Variants in CDH13 observed in about 807,000 individuals in gnomAD.
CDH13 encodes the protein cadherin 13, also known as cadherin-13.
Under a neutral mutation model 63.8 loss-of-function variants are expected in CDH13, and 24 were observed. That is an observed-to-expected ratio of 0.38 (90% CI 0.27 to 0.53). The LOEUF is 0.53. CDH13 is among the 20% of genes least tolerant of loss of function. CDH13 has a pLI of 0.85. For synonymous variants in CDH13, 503 were observed against 355.3 expected (o/e 1.42, Z -4.67); for missense variants, 1,049 against 903.1 (o/e 1.16, Z -2.07).
At chr16:83,053,740 A>C (rs1056837255) in intron 3 of CDH13, among the ~76,000 whole-genome samples, 1 of 152,200 alleles carries the variant, frequency 6.6e-6, no homozygotes, top group African/African-American at 2.4e-5. Flanking sequence ...AGAACGCTAT[A>C]TCATATTTAT....
intron 3 of CDH13, among the ~76,000 whole-genome samples, chr16:83,109,520 C>A (rs1002781397): frequency 6.6e-6 from 1 of 152,000 alleles, no homozygotes; most frequent in Non-Finnish European, 1.5e-5. Flanking sequence ...TAATAAATAC[C>A]CACTGAATTG....
intron 10 of CDH13, among the ~76,000 whole-genome samples, chr16:83,724,330 G>A (rs1598590002): frequency 6.6e-6 from 1 of 151,474 alleles, no homozygotes; most frequent in Non-Finnish European, 1.5e-5. Context: ...ATGGATGAGT[G>A]TGGAATGCAT....
chr16:83,145,932 C>A (rs1179587803), intron 4 of CDH13, among the ~76,000 whole-genome samples: 1 of 151,992 alleles, frequency 6.6e-6, no homozygotes, highest in East Asian at 1.9e-4. Flanking sequence ...AAGGATGTTC[C>A]AGCCGGATGC....
At chr16:82,761,293 C>T (rs553118529) in intron 1 of CDH13, among the ~76,000 whole-genome samples, 115 of 152,144 alleles carry the variant, frequency 7.6e-4, no homozygotes, top group Non-Finnish European at 1.5e-3. Flanking sequence ...GCTGGGATTA[C>T]AGACGTGAGC....
intron 1 of CDH13, among the ~76,000 whole-genome samples, chr16:82,768,719 G>C (rs1184775660): frequency 6.6e-6 from 1 of 152,092 alleles, no homozygotes; most frequent in Non-Finnish European, 1.5e-5. Flanking sequence ...ATTTCCATTG[G>C]TTGAGGGATA....
intron 4 of CDH13, among the ~76,000 whole-genome samples, chr16:83,129,625 T>G (rs2035962773): frequency 6.6e-6 from 1 of 152,184 alleles, no homozygotes; most frequent in South Asian, 2.1e-4. Context: ...GGGGTATTTC[T>G]ACTCCCAGCA....
At chr16:83,787,457 T>C (rs1915960284) in intron 13 of CDH13, among the ~76,000 whole-genome samples, 1 of 152,230 alleles carries the variant, frequency 6.6e-6, no homozygotes, top group African/African-American at 2.4e-5. Flanking sequence ...TTACTCCTCC[T>C]GCTGGAGGAT....
At chr16:83,351,903 T>C (rs933226824) in intron 6 of CDH13, among the ~76,000 whole-genome samples, 1 of 152,236 alleles carries the variant, frequency 6.6e-6, no homozygotes, top group Non-Finnish European at 1.5e-5. Context: ...TTTTTGTTTG[T>C]TTCTCCAGAT....
intron 2 of CDH13, among the ~76,000 whole-genome samples, chr16:82,878,244 T>A (rs1356059457): frequency 6.6e-6 from 1 of 151,934 alleles, no homozygotes; most frequent in Admixed American, 6.6e-5. Context: ...TGCAGTTATC[T>A]CTACCCAAGG....
intron 4 of CDH13, among the ~76,000 whole-genome samples, chr16:83,216,091 C>T (rs1020745470): frequency 6.6e-6 from 1 of 151,812 alleles, no homozygotes; most frequent in African/African-American, 2.4e-5. Flanking sequence ...TCTTCCTTGT[C>T]TGCCTGCTGC....
chr16:82,882,814 C>T (rs2040752701), intron 2 of CDH13, among the ~76,000 whole-genome samples: 1 of 152,036 alleles, frequency 6.6e-6, no homozygotes. Flanking sequence ...GTTTTTTATT[C>T]ACTCTCTCTG....
chr16:82,641,517 C>G (rs1909394147), intron 1 of CDH13, among the ~76,000 whole-genome samples: 11 of 152,178 alleles, frequency 7.2e-5, no homozygotes, highest in Admixed American at 7.2e-4. Context: ...CTCTTTCCCA[C>G]TAGATGGTAC....
chr16:82,657,697 T>C (rs1381123904), intron 1 of CDH13, among the ~76,000 whole-genome samples: 2 of 152,074 alleles, frequency 1.3e-5, no homozygotes, highest in Admixed American at 6.5e-5. Context: ...GTAATGTAAA[T>C]TGTATTGTGT....
At chr16:83,234,390 T>A (rs1421518759) in intron 5 of CDH13, among the ~76,000 whole-genome samples, 2 of 152,134 alleles carry the variant, frequency 1.3e-5, no homozygotes, top group Non-Finnish European at 2.9e-5. Context: ...AGGCCCCAAA[T>A]AACCACCTGC....
chr16:83,662,895 A>G (rs1913572392), intron 8 of CDH13, among the ~76,000 whole-genome samples: 1 of 152,152 alleles, frequency 6.6e-6, no homozygotes, highest in Admixed American at 6.5e-5. Context: ...GAGGATTGAG[A>G]GCAGGACTGG....
At chr16:82,952,051 T>G (rs914989019) in intron 2 of CDH13, among the ~76,000 whole-genome samples, 5 of 152,352 alleles carry the variant, frequency 3.3e-5, no homozygotes, top group African/African-American at 1.2e-4. Flanking sequence ...GAATTAAATG[T>G]GCAATTACTG....
intron 7 of CDH13, among the ~76,000 whole-genome samples, chr16:83,495,600 C>T (rs967943643): frequency 1.3e-5 from 2 of 152,142 alleles, no homozygotes; most frequent in African/African-American, 2.4e-5. Context: ...TAAGAGACAG[C>T]TTTGCAGGAC....
intron 1 of CDH13, among the ~76,000 whole-genome samples, chr16:82,793,470 T>G (rs8059129): frequency 0.043 from 6,479 of 152,042 alleles, 475 homozygotes; most frequent in African/African-American, 0.15. Context: ...CCCTGTGGAG[T>G]TCCCAGTGTT....
intron 4 of CDH13, among the ~76,000 whole-genome samples, chr16:83,165,352 T>TA (rs1423968785): frequency 6.6e-6 from 1 of 151,582 alleles, no homozygotes. Flanking sequence ...AGATGATGGA[T>TA]ATTCTAAGAT....
Sources: gnomAD v4.1 joint callset for allele counts (sites outside exome capture counted in the v4.1 genomes callset) on GRCh38, gnomAD v4.1.1 for gene constraint, MANE v1.5 for transcripts, NCBI Gene and HGNC (gene_info 2026-07-23, HGNC 2026-07-21) for gene names.